SIK3: variants seen among roughly 807,000 people sequenced by gnomAD.
SIK3 encodes the protein SIK family kinase 3.
In SIK3, 28 loss-of-function variants were observed where a neutral mutation model predicts 144.2. The observed-to-expected ratio is 0.19, with a 90% CI of 0.14 to 0.27. The LOEUF (loss-of-function observed/expected upper bound fraction) is 0.27. Ranked by LOEUF, SIK3 falls within the 10% of genes least tolerant of loss-of-function variation. The pLI is 1.00. For missense variants in SIK3, 1,319 were observed against 1,776.0 expected (o/e 0.74, Z 4.62); for synonymous variants, 686 against 676.3 (o/e 1.01, Z -0.22).
chr11:116,846,478 T>C lies in SIK3; in HGVS notation c.4028A>G (p.Tyr1343Cys), dbSNP rs766090506. The C allele has an allele frequency of 4.3e-6, 7 of 1,614,084 alleles. No individual in the cohort carries two copies. Among genetic ancestry groups the C allele is most frequent in the African/African-American group, 1.3e-5 (1 of 74,924 alleles). Residue 1343 changes from tyrosine to cysteine, a missense_variant, in exon 24 of 25, where the codon TAT (tyrosine) becomes TGT (cysteine). Tyr to Cys is a radical substitution (Grantham distance 194, BLOSUM62 -2). Coordinates refer to ENST00000445177, the MANE Select transcript of SIK3 (RefSeq NM_001366686.3). This position sits in a 1 kb window ranked among gnomAD's most constrained non-coding sequence, Gnocchi z 4.1. ...AATGTCTGTAATACACGTAGATGGA[T>C]AGCAAGAGGAGTTTAAATGCTGGCT... ...DGSQHLNSSC[Y>C]PSTCITDILL...
intron 4 of SIK3, among the ~76,000 whole-genome samples, chr11:116,909,304 CA>C (rs1946213486): frequency 6.7e-6 from 1 of 148,196 alleles, no homozygotes; most frequent in African/African-American, 2.5e-5. Context: ...ACATCAGTGG[CA>C]AAACTACTAA....
At chr11:116,938,772 A>G (rs1002036933) in intron 3 of SIK3, among the ~76,000 whole-genome samples, 1 of 152,256 alleles carries the variant, frequency 6.6e-6, no homozygotes, top group East Asian at 1.9e-4. Flanking sequence ...ATCAAAGACT[A>G]TTGAGCTCAC....
chr11:116,858,623 G>C lies in SIK3; in HGVS notation c.2842C>G (p.Arg948Gly). Residue 948 changes from arginine (R) to glycine (G), a missense_variant, in exon 21 of 25, where the codon CGG (arginine) becomes GGG (glycine). Transcript: ENST00000445177. This position sits in a 1 kb window ranked among gnomAD's most constrained non-coding sequence, Gnocchi z 5.4. ...LHPHLFSDQS[R>G]GSPSSYSPST... ...GGGCTGTAGCTGCTGGGGGAACCCC[G>C]GGACTGGTCCGAAAACAGATGGGGG... 6.2e-7 allele frequency: 1 copy of C among 1,606,062 alleles called. No homozygotes were observed. Among genetic ancestry groups the C allele is most frequent in the Non-Finnish European group, 8.5e-7 (1 of 1,176,374 alleles).
At chr11:116,970,213 G>C (rs907060566) in intron 1 of SIK3, among the ~76,000 whole-genome samples, 2 of 152,176 alleles carry the variant, frequency 1.3e-5, no homozygotes, top group African/African-American at 4.8e-5. Context: ...GGAGGTCAAG[G>C]CTGCAGTGAG....
chr11:116,855,056 A>C (rs539789372), intron 21 of SIK3, among the ~76,000 whole-genome samples: 1 of 136,438 alleles, frequency 7.3e-6, no homozygotes, highest in East Asian at 2.2e-4. Flanking sequence ...ACTGCACTCC[A>C]GCATGGGTGA....
At chr11:117,002,643 A>G (rs1465273275) in intron 1 of SIK3, among the ~76,000 whole-genome samples, 2 of 152,220 alleles carry the variant, frequency 1.3e-5, no homozygotes, top group South Asian at 2.1e-4. Context: ...CTGGAAAAAG[A>G]AAAAAACATT....
chr11:116,950,245 G>GTCCA, intron 3 of SIK3: 1 of 438,182 alleles, frequency 2.3e-6, no homozygotes, highest in South Asian at 1.7e-5. Context: ...AATTGCTGAT[G>GTCCA]TCCAAATCCT....
At chr11:117,029,442 G>A (rs541129179) in intron 1 of SIK3, among the ~76,000 whole-genome samples, 1 of 152,200 alleles carries the variant, frequency 6.6e-6, no homozygotes, top group Admixed American at 6.5e-5. Context: ...GAGCAACAGA[G>A]CCAGACCCTG....
intron 1 of SIK3, among the ~76,000 whole-genome samples, chr11:116,967,013 A>G (rs1015369838): frequency 7.0e-6 from 1 of 142,304 alleles, no homozygotes; most frequent in African/African-American, 2.7e-5. Context: ...CAAAAAAAAA[A>G]AGAAAAAGAA....
intron 21 of SIK3, chr11:116,857,217 T>G (rs1409332108): frequency 2.6e-5 from 4 of 153,860 alleles, no homozygotes; most frequent in Admixed American, 1.3e-4. Flanking sequence ...TGCACTGAAC[T>G]CAAACATTTC....
At chr11:116,946,721 C>T (rs186117233) in intron 3 of SIK3, among the ~76,000 whole-genome samples, 3 of 152,320 alleles carry the variant, frequency 2.0e-5, no homozygotes, top group Non-Finnish European at 4.4e-5. Flanking sequence ...GTACAAACTA[C>T]TGTCTTCTCC....
chr11:116,905,401 A>G (rs1945973423), intron 4 of SIK3, among the ~76,000 whole-genome samples: 1 of 152,218 alleles, frequency 6.6e-6, no homozygotes, highest in African/African-American at 2.4e-5. Flanking sequence ...ACTAAAAATA[A>G]TGCTGCTATG....
chr11:116,857,750 T>G (rs536448679), intron 21 of SIK3, 60 bp downstream of exon 21: 1 of 1,570,060 alleles, frequency 6.4e-7, no homozygotes, highest in African/African-American at 1.4e-5. Context: ...AAGATAACAT[T>G]ACTGAGTCAG....
chr11:116,976,811 G>C (rs1949962705), intron 1 of SIK3, among the ~76,000 whole-genome samples: 1 of 152,100 alleles, frequency 6.6e-6, no homozygotes, highest in African/African-American at 2.4e-5. Context: ...AATGTCAGTA[G>C]ACAAATATTA....
At chr11:116,965,761 A>AACCCGTCTCTGC (rs1565507641) in intron 1 of SIK3, among the ~76,000 whole-genome samples, 2 of 85,446 alleles carry the variant, frequency 2.3e-5, no homozygotes, top group African/African-American at 1.1e-4. Flanking sequence ...ATATATATAT[A>AACCCGTCTCTGC]TATATATATA....
intron 14 of SIK3, among the ~76,000 whole-genome samples, chr11:116,868,562 C>G (rs1288151830): frequency 6.6e-6 from 1 of 152,220 alleles, no homozygotes; most frequent in Non-Finnish European, 1.5e-5. Flanking sequence ...AGACTTTCTT[C>G]ACTACAGGTC....
intron 4 of SIK3, among the ~76,000 whole-genome samples, chr11:116,906,384 C>A (rs924602811): frequency 4.6e-5 from 7 of 151,804 alleles, no homozygotes; most frequent in Admixed American, 1.3e-4. Flanking sequence ...AGAAGGTGAT[C>A]AGAAATTTAA....
intron 5 of SIK3, 140 bp downstream of exon 5, chr11:116,897,053 C>T: frequency 2.6e-6 from 2 of 779,944 alleles, no homozygotes; most frequent in Non-Finnish European, 3.8e-6. Context: ...AAAGGCTTTG[C>T]ACAGGAATTG....
chr11:116,954,423 T>TA (rs1385821840), intron 2 of SIK3, among the ~76,000 whole-genome samples: 1 of 150,138 alleles, frequency 6.7e-6, no homozygotes, highest in African/African-American at 2.5e-5. Context: ...AACCAAAACT[T>TA]AAACTTCAGA....
Sources: allele counts gnomAD v4.1 joint callset (sites outside exome capture counted in the v4.1 genomes callset), GRCh38; gene constraint gnomAD v4.1.1; non-coding constraint Gnocchi (gnomAD v3.1); transcripts MANE v1.5; gene names NCBI Gene and HGNC (gene_info 2026-07-23, HGNC 2026-07-21).